RP2: variants seen among roughly 807,000 people sequenced by gnomAD.
RP2 encodes RP2 activator of ARL3 GTPase.
Under a neutral mutation model 20.3 loss-of-function variants are expected in RP2, and 3 were observed. The observed-to-expected ratio is 0.15, with a 90% CI of 0.07 to 0.38. The LOEUF is 0.38. Among genes scored for constraint, RP2 ranks in the 10% least tolerant of loss-of-function variants. The pLI, the probability that RP2 is intolerant of heterozygous loss-of-function variation, is 1.00. For missense variants in RP2, 233 were observed against 268.5 expected, an observed-to-expected ratio of 0.87 and a Z score of 0.92; for synonymous variants, 75 against 94.8, an observed-to-expected ratio of 0.79 and a Z score of 1.22.
chrX:46,867,618 T>A (rs1556323151), intron 3 of RP2, among the ~76,000 whole-genome samples: 1 of 111,437 alleles, frequency 9.0e-6, no homozygotes, highest in Admixed American at 9.6e-5. Flanking sequence ...GGTAATACAT[T>A]TACATTCTCT....
In RP2 at chrX:46,853,288, T is replaced by C. The variant is rs180841657; in HGVS notation, c.103-188T>C. ...TGGGAGGTGTGTATGTTGACTAAGATCATAGGTTTTATATTATTATTGAGA... is the reference window on the plus strand; with the variant it reads ...TGGGAGGTGTGTATGTTGACTAAGACCATAGGTTTTATATTATTATTGAGA... On this transcript the variant is annotated intron_variant, in intron 1 of 4. Transcript: ENST00000218340. Among the ~76,000 whole-genome samples the C allele has an allele frequency of 1.9e-3, 211 of 111,676 alleles. 1 individual carries two copies. The highest frequency in any genetic ancestry group is 3.4e-3 in the Non-Finnish European group (183 of 53,164).
intron 1 of RP2, among the ~76,000 whole-genome samples, chrX:46,843,799 TG>T (rs1924666392): frequency 1.8e-5 from 2 of 111,491 alleles, no homozygotes; most frequent in Admixed American, 1.9e-4. Context: ...CTCAAGATAC[TG>T]GTCTTGAGCT....
At chrX:46,856,413 C>T (rs782557482) in intron 2 of RP2, among the ~76,000 whole-genome samples, 47 of 111,342 alleles carry the variant, frequency 4.2e-4, no homozygotes, top group Non-Finnish European at 6.6e-4. Flanking sequence ...AATCCCACAG[C>T]GATAATAATA....
intron 1 of RP2, among the ~76,000 whole-genome samples, chrX:46,850,887 T>C (rs200329155): frequency 8.9e-6 from 1 of 111,866 alleles, no homozygotes; most frequent in Non-Finnish European, 1.9e-5. Context: ...TGGCTCATAC[T>C]GGGTATTCAA....
chrX:46,847,723 T>C (rs940756754), intron 1 of RP2, among the ~76,000 whole-genome samples: 2 of 74,475 alleles, frequency 2.7e-5, no homozygotes, highest in Non-Finnish European at 5.5e-5. Context: ...CACATATATG[T>C]GTGTGTGTAT....
At chrX:46,839,537 G>T (rs1342333865) in intron 1 of RP2, among the ~76,000 whole-genome samples, 1 of 109,916 alleles carries the variant, frequency 9.1e-6, no homozygotes, top group African/African-American at 3.3e-5. Flanking sequence ...GGGCAACAGA[G>T]TGAGACCCTG....
intron 1 of RP2, among the ~76,000 whole-genome samples, chrX:46,847,034 T>C (rs1292399387): frequency 2.7e-5 from 3 of 112,113 alleles, no homozygotes; most frequent in Non-Finnish European, 3.8e-5. Flanking sequence ...TCGCCTAGCT[T>C]TAAAAAAAAA....
intron 1 of RP2, among the ~76,000 whole-genome samples, chrX:46,839,561 AAAAT>A (rs1924578382): frequency 9.1e-6 from 1 of 110,259 alleles, no homozygotes; most frequent in South Asian, 3.8e-4. Context: ...CCAAAAAAAA[AAAAT>A]AAATAAATAA....
chrX:46,872,980 C>G (rs1925318279), intron 3 of RP2, among the ~76,000 whole-genome samples: 1 of 111,506 alleles, frequency 9.0e-6, no homozygotes, highest in South Asian at 3.8e-4. Flanking sequence ...CTAAAGCGAT[C>G]TGCCTGCCTC....
rs1393017933 is a variant in RP2 at position 46,881,298 on chromosome X, A to G, written c.*1529A>G. The G allele has an allele frequency of 3.6e-5, 4 of 111,233 alleles. No homozygotes were observed. The highest frequency in any genetic ancestry group is 1.3e-4 in the African/African-American group (4 of 30,533). The allele number at this position is 111,233 out of a possible 1,213,427, so 9.2% of individuals were successfully genotyped here. The stretch of plus-strand genomic sequence containing the variant: ...TTCAATTCTTTTATAAGGGCATTCA[A>G]TACTACAAAATCAACATGATTTCAT... On this transcript the variant is annotated 3_prime_UTR_variant, in exon 5 of 5. Transcript: ENST00000218340.
intron 3 of RP2, among the ~76,000 whole-genome samples, chrX:46,861,135 C>T (rs1485826127): frequency 1.8e-5 from 2 of 111,884 alleles, no homozygotes; most frequent in Non-Finnish European, 3.8e-5. Flanking sequence ...GAATGTTTAA[C>T]TTCTTAGCAG....
At chrX:46,838,627 ATAG>A (rs1556314147) in intron 1 of RP2, among the ~76,000 whole-genome samples, 1 of 112,459 alleles carries the variant, frequency 8.9e-6, no homozygotes, top group Admixed American at 9.4e-5. Flanking sequence ...TTTTTTATTT[ATAG>A]TAGTCTTGGC....
intron 3 of RP2, among the ~76,000 whole-genome samples, chrX:46,861,145 G>C (rs1245677279): frequency 1.8e-5 from 2 of 111,852 alleles, no homozygotes; most frequent in African/African-American, 6.5e-5. Flanking sequence ...CTTCTTAGCA[G>C]CTTTTGGAAA....
chrX:46,870,833 G>A (rs1458714656), intron 3 of RP2, among the ~76,000 whole-genome samples: 5 of 111,216 alleles, frequency 4.5e-5, no homozygotes, highest in Admixed American at 3.8e-4. Context: ...GAAGGGATCT[G>A]CATATAATGA....
rs782250033 is a variant in RP2, at chrX:46,837,552, A to G, written c.102+350A>G. Among the ~76,000 whole-genome samples the G allele has an allele frequency of 4.5e-5, 5 of 111,179 alleles. No homozygotes were observed. In the South Asian group the frequency reaches 1.9e-3, roughly 42 times the overall value. On this transcript the variant is annotated intron_variant, in intron 1 of 4. Coordinates refer to ENST00000218340, the MANE Select transcript of RP2 (RefSeq NM_006915.3). Reference sequence around the variant, plus strand: ...AGAGCCGAGAACGCCCTGAATCTCAAATCACCTCGTTTCACCCACCGGCAG... The same window carrying G: ...AGAGCCGAGAACGCCCTGAATCTCAGATCACCTCGTTTCACCCACCGGCAG...
At chrX:46,845,340 T>A (rs1556315892) in intron 1 of RP2, among the ~76,000 whole-genome samples, 1 of 112,610 alleles carries the variant, frequency 8.9e-6, no homozygotes, top group Non-Finnish European at 1.9e-5. Context: ...TCTATAATTA[T>A]GTGGCACTAA....
chrX:46,846,794 G>A lies in RP2; in HGVS notation c.103-6682G>A, dbSNP rs782778788. ...GTTGGAGTACAGTGGCATGATCATG[G>A]CTCACTGCAGCCTGGACTGCCTGGG... On this transcript the variant is annotated intron_variant, in intron 1 of 4. Transcript: ENST00000218340. Among the ~76,000 whole-genome samples, 9 of 110,835 alleles carry A rather than the reference G, an allele frequency of 8.1e-5. No homozygotes were observed. In the South Asian group the frequency reaches 1.5e-3, roughly 19 times the overall value.
intron 1 of RP2, among the ~76,000 whole-genome samples, chrX:46,847,852 GTA>G (rs1441861687): frequency 2.1e-5 from 2 of 96,947 alleles, no homozygotes; most frequent in African/African-American, 3.8e-5. Flanking sequence ...GTATATATGT[GTA>G]TATATGTGTG....
At chrX:46,871,898 A>C (rs943163214) in intron 3 of RP2, among the ~76,000 whole-genome samples, 35 of 112,246 alleles carry the variant, frequency 3.1e-4, no homozygotes, top group Non-Finnish European at 5.6e-4. Context: ...ATACACATTT[A>C]GGATTGTTAT....
Sources: gnomAD v4.1 joint callset for allele counts (sites outside exome capture counted in the v4.1 genomes callset) on GRCh38, gnomAD v4.1.1 for gene constraint, MANE v1.5 for transcripts, NCBI Gene and HGNC (gene_info 2026-07-23, HGNC 2026-07-21) for gene names.